The following ANAPC1 variants were observed in gnomAD, a reference collection of about 807,000 sequenced individuals.
ANAPC1 encodes anaphase-promoting complex subunit 1.
Under a neutral mutation model 208.0 loss-of-function variants are expected in ANAPC1, and 36 were observed. The ratio of observed to expected loss-of-function variants is 0.17; its 90% confidence interval spans 0.13 to 0.23. The LOEUF is 0.23. ANAPC1 is among the 10% of genes least tolerant of loss of function. The pLI is 1.00. For missense variants in ANAPC1, 942 were observed against 2,011.6 expected (o/e 0.47, Z 10.17); for synonymous variants, 378 against 695.2 (o/e 0.54, Z 7.18).
rs1332775808 is a variant in ANAPC1 at position 111,832,711 on chromosome 2, C to T, written c.2476+509G>A. ...TTGGGAGGCCGAGGCGGGTGGATCA[C>T]GAGGTCAGGAGATCAAGACCATCCT... is the stretch of plus-strand genomic sequence containing the variant. On this transcript the variant is annotated intron_variant, in intron 20 of 47. Transcript: ENST00000341068. 2.0e-5 allele frequency among the ~76,000 whole-genome samples: 3 copies of T among 152,042 alleles called. 1 individual carries two copies. Among genetic ancestry groups the T allele is most frequent in the African/African-American group, 7.2e-5 (3 of 41,486 alleles).
At chr2:111,785,658 T>A (rs1677508448) in intron 39 of ANAPC1, among the ~76,000 whole-genome samples, 181 bp from the exon 40 acceptor site, 1 of 151,994 alleles carries the variant, frequency 6.6e-6, no homozygotes, top group Non-Finnish European at 1.5e-5. Context: ...CTTTTAAAAA[T>A]TTTATATAAC....
chr2:111,849,427 T>C (rs1230191525), intron 14 of ANAPC1, among the ~76,000 whole-genome samples: 3 of 152,132 alleles, frequency 2.0e-5, no homozygotes, highest in African/African-American at 7.2e-5. Context: ...GGAAAAAAAA[T>C]TCAATGTGGC....
chr2:111,770,911 TTTATTA>T (rs758963492), intron 47 of ANAPC1: 11 of 152,394 alleles, frequency 7.2e-5, no homozygotes, highest in African/African-American at 2.4e-4. Context: ...TATCTGTTTT[TTTATTA>T]TTATTATGTT....
At chr2:111,790,857 T>C (rs1243373029) in intron 38 of ANAPC1, among the ~76,000 whole-genome samples, 1 of 152,012 alleles carries the variant, frequency 6.6e-6, no homozygotes, top group Non-Finnish European at 1.5e-5. Context: ...GCTAAACCAA[T>C]GTGGAGCAGT....
At chr2:111,845,055 C>A (rs1056551011) in intron 16 of ANAPC1, among the ~76,000 whole-genome samples, 1 of 152,110 alleles carries the variant, frequency 6.6e-6, no homozygotes, top group African/African-American at 2.4e-5. Flanking sequence ...ACTATGTTGT[C>A]CAAGCTGGTC....
At chr2:111,807,794 A>AT (rs1678769805) in intron 29 of ANAPC1, among the ~76,000 whole-genome samples, 1 of 151,358 alleles carries the variant, frequency 6.6e-6, no homozygotes, top group Non-Finnish European at 1.5e-5. Flanking sequence ...TGAAAGAGGT[A>AT]TGCCGCAGCT....
intron 46 of ANAPC1, among the ~76,000 whole-genome samples, chr2:111,774,660 T>TA (rs58590453): frequency 0.11 from 503 of 4,444 alleles, 58 homozygotes; most frequent in Non-Finnish European, 0.15. Context: ...TGACAAGTCT[T>TA]AAAAAAAAAA....
chr2:111,869,907 C>G (rs961526202), intron 6 of ANAPC1, among the ~76,000 whole-genome samples: 20 of 152,178 alleles, frequency 1.3e-4, no homozygotes, highest in Admixed American at 9.8e-4. Context: ...CATCATAACA[C>G]TCTGTATATA....
rs1237982964 is a variant in ANAPC1, at chr2:111,834,848, C to T, written c.2140G>A (p.Asp714Asn). The T allele has an allele frequency of 2.5e-6, 4 of 1,598,206 alleles. No homozygotes were observed. The highest frequency in any genetic ancestry group is 3.4e-6 in the Non-Finnish European group (4 of 1,173,948). ...DDDWEYLLNS[D>N]YHQNVESHLL... ...TGAGACTCAACATTCTGGTGGTAGT[C>T]TGAATTTAGTAAATATTCCCAGTCC... Residue 714 changes from aspartate to asparagine, a missense_variant, in exon 19 of 48, where the codon GAC becomes AAC. Transcript: ENST00000341068.
chr2:111,832,986 C>A (rs1158179024), intron 20 of ANAPC1, among the ~76,000 whole-genome samples: 1 of 140,370 alleles, frequency 7.1e-6, no homozygotes, highest in Non-Finnish European at 1.5e-5. Flanking sequence ...CTTTCTCTGA[C>A]TTTTGCAAGT....
At chr2:111,826,394 T>C (rs990275245) in intron 21 of ANAPC1, among the ~76,000 whole-genome samples, 1 of 152,206 alleles carries the variant, frequency 6.6e-6, no homozygotes, top group Admixed American at 6.5e-5. Context: ...AAACAATTCA[T>C]CTGTTTTCTT....
At chr2:111,797,239 CAGTA>C (rs1184561267) in intron 34 of ANAPC1, among the ~76,000 whole-genome samples, 1 of 149,466 alleles carries the variant, frequency 6.7e-6, no homozygotes, top group African/African-American at 2.5e-5. Context: ...TGTTTAATCT[CAGTA>C]AGCTGAACTT....
chr2:111,866,870 C>T (rs1682453481), intron 7 of ANAPC1, among the ~76,000 whole-genome samples: 2 of 150,102 alleles, frequency 1.3e-5, no homozygotes, highest in Middle Eastern at 3.6e-3. Context: ...GGGTTGTCTG[C>T]AATTAGTAAC....
intron 10 of ANAPC1, among the ~76,000 whole-genome samples, chr2:111,861,133 T>A (rs146768442): frequency 0.019 from 2,895 of 152,316 alleles, 80 homozygotes; most frequent in African/African-American, 0.066. Context: ...TGGAGTGCAG[T>A]AGTGTGCTCT....
intron 46 of ANAPC1, among the ~76,000 whole-genome samples, chr2:111,773,841 G>A (rs1266204843): frequency 3.9e-5 from 6 of 152,042 alleles, no homozygotes; most frequent in East Asian, 1.9e-4. Flanking sequence ...GAAAACAGGC[G>A]CCTTGCAGGT....
chr2:111,839,238 G>T (rs1207719710), intron 17 of ANAPC1, among the ~76,000 whole-genome samples: 1 of 152,194 alleles, frequency 6.6e-6, no homozygotes, highest in Admixed American at 6.5e-5. Flanking sequence ...TAACTGTGTG[G>T]CCTGTTTATC....
intron 24 of ANAPC1, among the ~76,000 whole-genome samples, chr2:111,823,000 C>CTTTTTTTTTTT (rs58815496): frequency 1.6e-5 from 1 of 61,312 alleles, no homozygotes; most frequent in African/African-American, 7.1e-5. Flanking sequence ...TCTTTTTATT[C>CTTTTTTTTTTT]TTTTTTTTTT....
chr2:111,873,406 T>G lies in ANAPC1; in HGVS notation c.430A>C (p.Ser144Arg). 2.5e-6 allele frequency: 4 copies of G among 1,601,524 alleles called. No individual in the cohort carries two copies. Among genetic ancestry groups the G allele is most frequent in the Non-Finnish European group, 3.4e-6 (4 of 1,176,004 alleles). Residue 144 changes from serine to arginine, a missense_variant and splice_region_variant, in exon 5 of 48, where the codon AGC becomes CGC. Ser to Arg is a moderately radical substitution (Grantham distance 110). Transcript: ENST00000341068. ...CATATGCATTTTTCTACTTCATTGC[T>G]ACCTGAAAAGAAAGGGTACAACAAG... ...SQDKSEKAYS[S>R]NEVEKCICIL...
chr2:111,796,291 T>A lies in ANAPC1; in HGVS notation c.4297-1397A>T, dbSNP rs560295147. Among the ~76,000 whole-genome samples the A allele has an allele frequency of 5.7e-3, 846 of 149,220 alleles. 35 individuals carry two copies. The highest frequency in any genetic ancestry group is 0.021 in the African/African-American group (814 of 39,064). ...AGGCACTTATAATACAGTCTTCTTATGTACTGAATATCACCAAATCAAAGA... is the reference window on the plus strand; with the variant it reads ...AGGCACTTATAATACAGTCTTCTTAAGTACTGAATATCACCAAATCAAAGA... On this transcript the variant is annotated intron_variant, in intron 34 of 47. Transcript: ENST00000341068.
Sources: allele counts gnomAD v4.1 joint callset (sites outside exome capture counted in the v4.1 genomes callset), GRCh38; gene constraint gnomAD v4.1.1; transcripts MANE v1.5; gene names NCBI Gene and HGNC (gene_info 2026-07-23, HGNC 2026-07-21).